RRH: variants seen among roughly 807,000 people sequenced by gnomAD.
The protein encoded by RRH is retinal pigment epithelium-derived rhodopsin homolog, also known as visual pigment-like receptor peropsin.
RRH carries 36 observed loss-of-function variants against 33.1 expected under a neutral mutation model. The observed-to-expected ratio is 1.09, with a 90% CI of 0.83 to 1.44. The LOEUF (loss-of-function observed/expected upper bound fraction) is 1.44. Among genes scored for constraint, RRH ranks in the 40% most tolerant of loss-of-function variants. The pLI is 0.00. For synonymous variants in RRH, 124 were observed against 140.2 expected (o/e 0.88, Z 0.82); for missense variants, 393 against 420.2 (o/e 0.94, Z 0.57).
chr4:109,838,139 A>G (rs1356865621), intron 5 of RRH, among the ~76,000 whole-genome samples: 1 of 146,888 alleles, frequency 6.8e-6, no homozygotes, highest in African/African-American at 2.7e-5. Context: ...TTTGTTGGTC[A>G]TCATCTCTTG....
chr4:109,836,181 T>G (rs1733881697), intron 4 of RRH, 21 bp downstream of exon 4: 1 of 1,612,074 alleles, frequency 6.2e-7, no homozygotes, highest in Non-Finnish European at 8.5e-7. Context: ...AGTTTACACT[T>G]TATAATCAAA....
In RRH at chr4:109,844,235, T is replaced by G. The variant is rs746765741; in HGVS notation, c.*38T>G. The G allele has an allele frequency of 1.1e-5, 14 of 1,274,226 alleles. No homozygotes were observed. Among genetic ancestry groups the G allele is most frequent in the Non-Finnish European group, 1.5e-5 (13 of 872,008 alleles). The allele number at this position is 1,274,226 out of a possible 1,614,324, so 78.9% of individuals were successfully genotyped here. ...GGACACACTATCAAAACACTTTAGT[T>G]TTTTGACAATGCTTTTCTTTTAAAT... On this transcript the variant is annotated 3_prime_UTR_variant, in exon 7 of 7. Coordinates refer to ENST00000317735, the MANE Select transcript of RRH (RefSeq NM_006583.5).
chr4:109,839,061 C>G (rs1336594192), intron 5 of RRH, among the ~76,000 whole-genome samples: 1 of 144,634 alleles, frequency 6.9e-6, no homozygotes, highest in African/African-American at 2.9e-5. Context: ...CTTAAATTTT[C>G]TCTCCTATAT....
chr4:109,836,087 A>C lies in RRH; in HGVS notation c.478A>C (p.Ile160Leu). Residue 160 changes from isoleucine to leucine, a missense_variant, in exon 4 of 7, where the codon ATC becomes CTC. Transcript: ENST00000317735. ...TGGCCTGTTTTGGGCTTTGATGCCTATCATAGGGTGGGCTAGTTATGCCCC... is the reference window on the plus strand; with the variant it reads ...TGGCCTGTTTTGGGCTTTGATGCCTCTCATAGGGTGGGCTAGTTATGCCCC... ...INGLFWALMP[I>L]IGWASYAPDP... 1 of 1,614,194 alleles carries C rather than the reference A, an allele frequency of 6.2e-7. No individual in the cohort carries two copies. Among genetic ancestry groups the C allele is most frequent in the Non-Finnish European group, 8.5e-7 (1 of 1,180,020 alleles).
intron 1 of RRH, 107 bp from the exon 2 acceptor site, chr4:109,833,031 TA>T: frequency 2.3e-6 from 2 of 883,222 alleles, no homozygotes; most frequent in Non-Finnish European, 3.7e-6. Flanking sequence ...ATAAATGAAC[TA>T]AAATAGATCT....
At chr4:109,834,220 T>C (rs940875593) in intron 2 of RRH, among the ~76,000 whole-genome samples, 1 of 152,212 alleles carries the variant, frequency 6.6e-6, no homozygotes, top group East Asian at 1.9e-4. Flanking sequence ...CTGTAAGTCA[T>C]TCATTTTAAC....
intron 5 of RRH, among the ~76,000 whole-genome samples, chr4:109,840,885 G>A (rs1258620820): frequency 6.6e-6 from 1 of 150,704 alleles, no homozygotes; most frequent in African/African-American, 2.4e-5. Context: ...TTTCTTTTGG[G>A]GGAATTTCTA....
In RRH at chr4:109,833,243, G is replaced by A; in HGVS notation, c.211G>A (p.Asp71Asn). 1 of 1,613,960 alleles carries A rather than the reference G, an allele frequency of 6.2e-7. No homozygotes were observed. The highest frequency in any genetic ancestry group is 1.1e-5 in the South Asian group (1 of 91,066). The stretch of plus-strand genomic sequence containing the variant: ...AATTATTATTAACCTGGCTGTTACT[G>A]ATATAGGGGTCAGTAGCATTGGCTA... ...NAIIINLAVT[D>N]IGVSSIGYPM... Residue 71 changes from aspartate to asparagine, a missense_variant, in exon 2 of 7, where the codon GAT becomes AAT. Physicochemically the swap from Asp to Asn is conservative, Grantham distance 23. Transcript: ENST00000317735.
At chr4:109,843,212 C>T (rs1734015483) in intron 6 of RRH, among the ~76,000 whole-genome samples, 1 of 152,194 alleles carries the variant, frequency 6.6e-6, no homozygotes, top group Admixed American at 6.5e-5. Context: ...TGTTCCTTTT[C>T]TGCCTCCTCA....
At chr4:109,837,842 C>CTCGG (rs10699089) in intron 5 of RRH, among the ~76,000 whole-genome samples, 113,797 of 151,654 alleles carry the variant, frequency 0.75, 43,982 homozygotes, top group Non-Finnish European at 0.86. Context: ...ATGGCACGAT[C>CTCGG]TCGGCTCACT....
chr4:109,829,178 A>C (rs1733697570), intron 1 of RRH, among the ~76,000 whole-genome samples: 1 of 452 alleles, frequency 2.2e-3, no homozygotes, highest in Non-Finnish European at 0.017. Flanking sequence ...CCAGTTTATA[A>C]TTGTTTACGT....
rs888680459 is a variant in RRH, at chr4:109,836,252, A to C, written c.551+92A>C. ...TTTAAGCTCAGATCATGTGTTCCTC[A>C]TACAGAAGGTGGCGAAGCACTTCCC... is the stretch of plus-strand genomic sequence containing the variant. On this transcript the variant is annotated intron_variant, in intron 4 of 6. Transcript: ENST00000317735. The C allele has an allele frequency of 7.9e-6, 11 of 1,385,532 alleles. No individual in the cohort carries two copies. In the African/African-American group the frequency reaches 1.3e-4, roughly 16 times the overall value. 85.8% of individuals were successfully genotyped at this position (1,385,532 alleles called of 1,614,324 possible).
rs753245113 is a variant in RRH at position 109,828,077 on chromosome 4, G to C, written c.50G>C (p.Gly17Ala). The part of the protein sequence containing the change: ...GNSSDSKNED[G>A]SVFSQTEHNI... ...AGTTCAGACTCTAAAAATGAAGATG[G>C]CTCGGTCTTTTCACAGACTGAACAC... Residue 17 changes from glycine to alanine, a missense_variant, in exon 1 of 7, where the codon GGC (glycine) becomes GCC (alanine). Gly to Ala is a moderately conservative substitution (Grantham distance 60). Transcript: ENST00000317735. 6.2e-7 allele frequency: 1 copy of C among 1,612,854 alleles called. No individual in the cohort carries two copies. Among genetic ancestry groups the C allele is most frequent in the East Asian group, 2.2e-5 (1 of 44,810 alleles).
Position 109,833,266 on chromosome 4 carries a change from C to G in RRH, c.234C>G (p.Gly78=). 6.2e-7 allele frequency: 1 copy of G among 1,614,042 alleles called. No homozygotes were observed. Among genetic ancestry groups the G allele is most frequent in the Middle Eastern group, 1.6e-4 (1 of 6,062 alleles). Residue 78 remains glycine (G), a synonymous_variant, in exon 2 of 7, where the codon GGC becomes GGG. Coordinates refer to ENST00000317735, the MANE Select transcript of RRH (RefSeq NM_006583.5). ...CTGATATAGGGGTCAGTAGCATTGG[C>G]TATCCCATGTCTGCTGCCTCAGATC... The part of the protein sequence containing the change: ...AVTDIGVSSI[G]YPMSAASDLY...
intron 5 of RRH, among the ~76,000 whole-genome samples, chr4:109,839,456 A>T (rs1030140013): frequency 7.2e-5 from 11 of 151,908 alleles, no homozygotes; most frequent in African/African-American, 1.9e-4. Flanking sequence ...CATTTTTTTT[A>T]AATTTCCAAC....
chr4:109,840,814 A>G (rs1733970893), intron 5 of RRH, among the ~76,000 whole-genome samples: 1 of 151,102 alleles, frequency 6.6e-6, no homozygotes, highest in South Asian at 2.1e-4. Flanking sequence ...GTCCCTTCAT[A>G]CTTAAGAGTA....
At chr4:109,841,642 G>A (rs1733984458) in intron 5 of RRH, among the ~76,000 whole-genome samples, 2 of 151,922 alleles carry the variant, frequency 1.3e-5, no homozygotes, top group Admixed American at 6.6e-5. Flanking sequence ...GTCTGTATCT[G>A]GTTTTCCCTC....
chr4:109,842,402 A>G, intron 5 of RRH, 67 bp from the exon 6 acceptor site: 2 of 1,411,860 alleles, frequency 1.4e-6, no homozygotes, highest in South Asian at 2.4e-5. Flanking sequence ...ATTTTTACCC[A>G]ACTTTAGATA....
In RRH at chr4:109,829,046, TTATACTC is replaced by T. The variant is rs202081579; in HGVS notation, c.106+916_106+922del. On this transcript the variant is annotated intron_variant, in intron 1 of 6. Coordinates refer to ENST00000317735, the MANE Select transcript of RRH (RefSeq NM_006583.5). Reference sequence around the variant, plus strand: ...TTGAGCAATCACTTAATTTTCAACTTTATACTCTAACGAGTTGTAGAAGTAACTCTTA... The same window carrying T: ...TTGAGCAATCACTTAATTTTCAACTTTAACGAGTTGTAGAAGTAACTCTTA... Among the ~76,000 whole-genome samples, 157 of 152,272 alleles carry T rather than the reference TTATACTC, an allele frequency of 1.0e-3. 3 individuals are homozygous for T. Among genetic ancestry groups the T allele is most frequent in the East Asian group, 6.9e-3 (36 of 5,192 alleles).
Sources: allele counts gnomAD v4.1 joint callset (sites outside exome capture counted in the v4.1 genomes callset), GRCh38; gene constraint gnomAD v4.1.1; transcripts MANE v1.5; gene names NCBI Gene and HGNC (gene_info 2026-07-23, HGNC 2026-07-21).